SCN9A: variants seen among roughly 807,000 people sequenced by gnomAD.
SCN9A encodes the protein sodium voltage-gated channel alpha subunit 9, also known as sodium channel protein type 9 subunit alpha.
A neutral mutation model predicts 187.0 loss-of-function variants in SCN9A; 131 were observed. The observed-to-expected ratio is 0.70, with a 90% CI of 0.61 to 0.81. The LOEUF (loss-of-function observed/expected upper bound fraction) is 0.81, where lower values mean the gene tolerates loss of function less well. SCN9A is among the 30% of genes least tolerant of loss of function. The probability of loss-of-function intolerance (pLI) is 0.00; values close to 1 mark genes in which losing one functional copy is unlikely to be tolerated. For synonymous variants in SCN9A, 809 were observed against 808.6 expected (o/e 1.00, Z -0.01); for missense variants, 2,252 against 2,396.6 (o/e 0.94, Z 1.26).
chr2:166,268,967 C>T (rs1469477609), intron 17 of SCN9A, among the ~76,000 whole-genome samples: 2 of 151,890 alleles, frequency 1.3e-5, no homozygotes, highest in Non-Finnish European at 2.9e-5. Context: ...AATTCAAACA[C>T]TATGCTACAT....
intron 12 of SCN9A, 58 bp downstream of exon 12, chr2:166,284,395 A>C: frequency 5.2e-6 from 8 of 1,546,406 alleles, no homozygotes; most frequent in Non-Finnish European, 6.1e-6. Flanking sequence ...CAGCAGAGAG[A>C]CTGACTGATG....
chr2:166,311,210 C>A (rs1698931419), intron 2 of SCN9A, among the ~76,000 whole-genome samples: 3 of 135,626 alleles, frequency 2.2e-5, no homozygotes, highest in Admixed American at 2.2e-4. Flanking sequence ...AACTAACCTG[C>A]ACAATGTGCA....
intron 1 of SCN9A, among the ~76,000 whole-genome samples, chr2:166,338,771 A>G (rs1301844116): frequency 6.6e-6 from 1 of 152,136 alleles, no homozygotes; most frequent in African/African-American, 2.4e-5. Flanking sequence ...CAGAATACAA[A>G]TCAGTTATTT....
Position 166,199,023 on chromosome 2 carries a change from AG to A in SCN9A, c.5615del (p.Pro1872LeufsTer13), listed in dbSNP as rs776271263. 6.2e-7 allele frequency: 1 copy of A among 1,614,126 alleles called. No homozygotes were observed. ...TGATGGGTTCATAGGACACTTTGGA[AG>A]GATTTGCAGACATGAACCTTTCTTC... ...QMEERFMSAN[P>X]SKVSYEPITT... On this transcript the variant is annotated frameshift_variant, in exon 27 of 27. Coordinates refer to ENST00000642356, the MANE Select transcript of SCN9A (RefSeq NM_001365536.1). LOFTEE classifies it high-confidence loss of function.
intron 1 of SCN9A, among the ~76,000 whole-genome samples, chr2:166,346,553 G>A (rs1284751265): frequency 6.6e-6 from 1 of 152,138 alleles, no homozygotes; most frequent in Non-Finnish European, 1.5e-5. Context: ...AATGTGAGAT[G>A]CTCTGCTCAA....
intron 17 of SCN9A, among the ~76,000 whole-genome samples, chr2:166,268,471 C>T (rs995377366): frequency 4.6e-5 from 7 of 151,804 alleles, no homozygotes; most frequent in Non-Finnish European, 1.0e-4. Context: ...ATTCACAGTT[C>T]AAGACTCTGG....
chr2:166,280,709 GA>G (rs1387878368), intron 13 of SCN9A, 114 bp from the exon 14 acceptor site: 9 of 669,762 alleles, frequency 1.3e-5, no homozygotes, highest in Non-Finnish European at 2.0e-5. Flanking sequence ...TTTAGATTTT[GA>G]AAATTTAACA....
Position 166,277,323 on chromosome 2 carries a change from A to C in SCN9A, c.2534T>G (p.Leu845Trp), listed in dbSNP as rs1239892164. Residue 845 changes from leucine (L) to tryptophan (W), a missense_variant, in exon 16 of 27, where the codon TTG (leucine) becomes TGG (tryptophan). By Grantham distance (61) the Leu-to-Trp change is moderately conservative. Transcript: ENST00000642356. Reference sequence around the variant, plus strand: ...GTTCAATGTTGGCCAGGATTTTGCCAACTTGAAGACTCGGAGCTAAAAGCA... The same window carrying C: ...GTTCAATGTTGGCCAGGATTTTGCCCACTTGAAGACTCGGAGCTAAAAGCA... Reference protein sequence around the residue: ...RSFRLLRVFKLAKSWPTLNML... With the variant: ...RSFRLLRVFKWAKSWPTLNML... 2 of 1,607,430 alleles carry C rather than the reference A, an allele frequency of 1.2e-6. No individual in the cohort carries two copies. The highest frequency in any genetic ancestry group is 1.7e-6 in the Non-Finnish European group (2 of 1,174,870).
Position 166,284,471 on chromosome 2 carries a change from C to T in SCN9A, c.1956G>A (p.Lys652=). The T allele has an allele frequency of 1.2e-6, 2 of 1,613,364 alleles. No homozygotes were observed. Among genetic ancestry groups the T allele is most frequent in the Non-Finnish European group, 1.7e-6 (2 of 1,179,712 alleles). The change falls in exon 12 of 27, where the codon AAG becomes AAA. Residue 652 remains lysine, a synonymous_variant. Transcript: ENST00000642356. ...TCCTTACGCTGTCATCAGAAGTTGC[C>T]TTATCTATTATCACCTCTGGCAGAA... ...GQLLPEVIID[K]ATSDDSGTTN... is the part of the protein sequence containing the mutation.
intron 1 of SCN9A, among the ~76,000 whole-genome samples, chr2:166,345,336 C>T (rs1359769898): frequency 6.6e-6 from 1 of 151,832 alleles, no homozygotes; most frequent in African/African-American, 2.4e-5. Flanking sequence ...AAGCAGCTAC[C>T]CTGTGCTACA....
chr2:166,335,918 C>T (rs1329205996), intron 1 of SCN9A, among the ~76,000 whole-genome samples: 1 of 151,828 alleles, frequency 6.6e-6, no homozygotes, highest in Admixed American at 6.6e-5. Flanking sequence ...TTTTTCTTGT[C>T]ATTATTTCCT....
At chr2:166,292,734 G>A (rs1361476144) in intron 9 of SCN9A, among the ~76,000 whole-genome samples, 2 of 152,022 alleles carry the variant, frequency 1.3e-5, no homozygotes, top group Non-Finnish European at 2.9e-5. Context: ...TGATATAAAT[G>A]GAAGAAAATA....
intron 7 of SCN9A, among the ~76,000 whole-genome samples, chr2:166,299,200 AC>A (rs937338952): frequency 2.0e-4 from 28 of 143,198 alleles, no homozygotes; most frequent in Admixed American, 1.9e-3. Context: ...CCATACAAAA[AC>A]CCATATATTT....
At chr2:166,336,624 G>T (rs1335835989) in intron 1 of SCN9A, among the ~76,000 whole-genome samples, 2 of 152,078 alleles carry the variant, frequency 1.3e-5, no homozygotes, top group East Asian at 1.9e-4. Context: ...GAACTTACTT[G>T]CTCCTTTGGC....
intron 2 of SCN9A, 122 bp downstream of exon 2, chr2:166,311,377 T>TATATAC (rs1698948594): frequency 7.5e-6 from 1 of 133,228 alleles, no homozygotes; most frequent in Non-Finnish European, 1.5e-5. Context: ...TATATATATA[T>TATATAC]TTAATTTAAC....
At chr2:166,256,627 A>C (rs566319553) in intron 17 of SCN9A, among the ~76,000 whole-genome samples, 11 of 151,626 alleles carry the variant, frequency 7.3e-5, no homozygotes, top group African/African-American at 2.7e-4. Flanking sequence ...TTTTAAAAAA[A>C]GGGCAAGAAA....
chr2:166,251,067 T>C (rs1000551873), intron 18 of SCN9A, among the ~76,000 whole-genome samples: 7 of 151,226 alleles, frequency 4.6e-5, no homozygotes, highest in African/African-American at 1.7e-4. Context: ...TGATGACCAA[T>C]GGGGAATTGT....
intron 1 of SCN9A, among the ~76,000 whole-genome samples, chr2:166,339,481 G>A (rs1389728413): frequency 6.6e-6 from 1 of 152,102 alleles, no homozygotes; most frequent in Admixed American, 6.6e-5. Flanking sequence ...GGAAAGACAT[G>A]CATGTTCTTA....
intron 18 of SCN9A, among the ~76,000 whole-genome samples, chr2:166,246,460 G>T (rs191020971): frequency 1.6e-3 from 248 of 151,974 alleles, no homozygotes; most frequent in African/African-American, 5.0e-3. Flanking sequence ...AGTTAAGAGA[G>T]AACATTCGAT....
Sources: gnomAD v4.1 joint callset for allele counts (sites outside exome capture counted in the v4.1 genomes callset) on GRCh38, gnomAD v4.1.1 for gene constraint, MANE v1.5 for transcripts, NCBI Gene and HGNC (gene_info 2026-07-23, HGNC 2026-07-21) for gene names.